SNAP25: variants seen among roughly 807,000 people sequenced by gnomAD.
SNAP25 encodes synaptosome associated protein 25.
A neutral mutation model predicts 28.7 loss-of-function variants in SNAP25; 3 were observed. The observed-to-expected ratio is 0.10, with a 90% confidence interval of 0.05 to 0.27. SNAP25 has a LOEUF of 0.27. Ranked by LOEUF, SNAP25 falls within the 10% of genes least tolerant of loss-of-function variation. The probability of loss-of-function intolerance (pLI) is 1.00; values close to 1 mark genes in which losing one functional copy is unlikely to be tolerated. For missense variants in SNAP25, 117 were observed against 278.7 expected, an observed-to-expected ratio of 0.42 and a Z score of 4.13; for synonymous variants, 61 against 88.1, an observed-to-expected ratio of 0.69 and a Z score of 1.72.
At chr20:10,238,104 C>T (rs1404563660) in intron 1 of SNAP25, among the ~76,000 whole-genome samples, 1 of 152,178 alleles carries the variant, frequency 6.6e-6, no homozygotes, top group Non-Finnish European at 1.5e-5. Context: ...CTCAAGACAT[C>T]TTTGAATCTC....
chr20:10,234,605 A>G (rs2062885124), intron 1 of SNAP25, among the ~76,000 whole-genome samples: 1 of 152,178 alleles, frequency 6.6e-6, no homozygotes, highest in Admixed American at 6.5e-5. Context: ...AAGTTGTGCA[A>G]TTTGTCATGG....
At chr20:10,228,348 G>A (rs1052203745) in intron 1 of SNAP25, among the ~76,000 whole-genome samples, 1 of 152,060 alleles carries the variant, frequency 6.6e-6, no homozygotes, top group Non-Finnish European at 1.5e-5. Context: ...AAAGTCCATG[G>A]TTTTCCCCAC....
intron 1 of SNAP25, among the ~76,000 whole-genome samples, chr20:10,222,204 A>G (rs1009604321): frequency 1.3e-5 from 2 of 152,264 alleles, no homozygotes; most frequent in African/African-American, 4.8e-5. Context: ...ATCTTAATAA[A>G]AGCAATAAAC....
chr20:10,226,538 G>A (rs2062737082), intron 1 of SNAP25, among the ~76,000 whole-genome samples: 1 of 152,064 alleles, frequency 6.6e-6, no homozygotes, highest in Non-Finnish European at 1.5e-5. Context: ...TGCCCTCCAT[G>A]TGTTATGCTA....
At chr20:10,276,229 C>T (rs1600734888) in intron 2 of SNAP25, among the ~76,000 whole-genome samples, 1 of 152,048 alleles carries the variant, frequency 6.6e-6, no homozygotes, top group South Asian at 2.1e-4. Context: ...GCAGGAGGAT[C>T]GCATAGGCCA....
chr20:10,273,453 C>T (rs1028268643), intron 1 of SNAP25, among the ~76,000 whole-genome samples: 3 of 152,184 alleles, frequency 2.0e-5, no homozygotes, highest in Non-Finnish European at 2.9e-5. Context: ...TGTTTGCTCA[C>T]GTAAGAGTTC....
intron 1 of SNAP25, 146 bp from the exon 2 acceptor site, chr20:10,275,283 T>G (rs2063671703): frequency 8.7e-6 from 3 of 346,420 alleles, no homozygotes; most frequent in Non-Finnish European, 1.6e-5. Context: ...ACAGCACAAT[T>G]CTGTTGACCC....
intron 1 of SNAP25, among the ~76,000 whole-genome samples, chr20:10,247,127 G>T (rs575706482): frequency 1.3e-5 from 2 of 152,228 alleles, no homozygotes; most frequent in South Asian, 2.1e-4. Context: ...AGTTAGAAAA[G>T]AACTGGCAAT....
At chr20:10,237,079 A>G (rs992654267) in intron 1 of SNAP25, among the ~76,000 whole-genome samples, 2 of 152,174 alleles carry the variant, frequency 1.3e-5, no homozygotes, top group Non-Finnish European at 2.9e-5. Flanking sequence ...GAGGGTGCAC[A>G]TATTTTATTT....
intron 4 of SNAP25, among the ~76,000 whole-genome samples, chr20:10,291,041 C>T (rs1276810139): frequency 6.6e-6 from 1 of 152,080 alleles, no homozygotes; most frequent in Admixed American, 6.6e-5. Flanking sequence ...TAGGGGATTG[C>T]CATATATATA....
chr20:10,243,955 A>G (rs527884052), intron 1 of SNAP25, among the ~76,000 whole-genome samples: 3 of 152,242 alleles, frequency 2.0e-5, no homozygotes, highest in South Asian at 4.2e-4. Flanking sequence ...ACTGTTTGCA[A>G]ACTTTCTCAA....
intron 1 of SNAP25, among the ~76,000 whole-genome samples, chr20:10,265,276 A>C (rs1365006225): frequency 6.6e-6 from 1 of 152,226 alleles, no homozygotes; most frequent in African/African-American, 2.4e-5. Context: ...CGGCAGATTT[A>C]AGAAGTGTCC....
intron 1 of SNAP25, among the ~76,000 whole-genome samples, chr20:10,238,058 C>T (rs924460408): frequency 5.9e-5 from 9 of 152,162 alleles, no homozygotes; most frequent in African/African-American, 2.2e-4. Context: ...TCCTCCAGAC[C>T]TCCTTACCCT....
chr20:10,257,558 C>T (rs1352334026), intron 1 of SNAP25, among the ~76,000 whole-genome samples: 1 of 152,124 alleles, frequency 6.6e-6, no homozygotes, highest in Non-Finnish European at 1.5e-5. Flanking sequence ...ACTAAAAATA[C>T]AAAATTAGCT....
At chr20:10,226,295 T>C (rs890012023) in intron 1 of SNAP25, among the ~76,000 whole-genome samples, 12 of 152,208 alleles carry the variant, frequency 7.9e-5, no homozygotes, top group African/African-American at 2.9e-4. Flanking sequence ...GTGAATTTTT[T>C]ATTTTAATGG....
At chr20:10,252,256 C>A (rs2063243232) in intron 1 of SNAP25, among the ~76,000 whole-genome samples, 1 of 152,206 alleles carries the variant, frequency 6.6e-6, no homozygotes, top group Non-Finnish European at 1.5e-5. Context: ...GTAGGCAGAT[C>A]AAGTCAGTTC....
intron 3 of SNAP25, 116 bp from the exon 4 acceptor site, chr20:10,284,607 TC>T: frequency 1.3e-6 from 1 of 799,642 alleles, no homozygotes; most frequent in Non-Finnish European, 2.1e-6. Context: ...CTCCCTTTTT[TC>T]TTTTGGTCCT....
chr20:10,234,128 C>T (rs1003415287), intron 1 of SNAP25, among the ~76,000 whole-genome samples: 2 of 152,098 alleles, frequency 1.3e-5, no homozygotes, highest in African/African-American at 4.8e-5. Context: ...ATTTATTCTG[C>T]GTCTGTTTAA....
chr20:10,229,694 G>C (rs938457008), intron 1 of SNAP25, among the ~76,000 whole-genome samples: 3 of 152,050 alleles, frequency 2.0e-5, no homozygotes, highest in Non-Finnish European at 2.9e-5. Flanking sequence ...ATCGTTGCTT[G>C]TTTTGTATTT....
Sources: allele counts gnomAD v4.1 joint callset (sites outside exome capture counted in the v4.1 genomes callset), GRCh38; gene constraint gnomAD v4.1.1; transcripts MANE v1.5; gene names NCBI Gene and HGNC (gene_info 2026-07-23, HGNC 2026-07-21).